The following DENND4A variants were observed in gnomAD, a reference collection of about 807,000 sequenced individuals.
DENND4A encodes C-myc promoter-binding protein.
In DENND4A, 70 loss-of-function variants were observed where a neutral mutation model predicts 199.3. That is an observed-to-expected ratio of 0.35 (90% CI 0.29 to 0.43). DENND4A has a LOEUF of 0.43. Among genes scored for constraint, DENND4A ranks in the 20% least tolerant of loss-of-function variants. The pLI is 1.00. For synonymous variants in DENND4A, 686 were observed against 766.9 expected (o/e 0.89, Z 1.74); for missense variants, 1,723 against 2,255.8 (o/e 0.76, Z 4.78).
chr15:65,682,112 C>T (rs2076598547), intron 23 of DENND4A, among the ~76,000 whole-genome samples: 1 of 152,132 alleles, frequency 6.6e-6, no homozygotes, highest in Non-Finnish European at 1.5e-5. Flanking sequence ...CTTAATTTAA[C>T]ATCACCAGCT....
intron 23 of DENND4A, chr15:65,681,164 C>T (rs966367712): frequency 9.9e-5 from 15 of 152,200 alleles, no homozygotes; most frequent in African/African-American, 3.6e-4. Context: ...GTCACATCCT[C>T]AAGGCTCCAC....
At chr15:65,707,504 G>A (rs1188776208) in intron 14 of DENND4A, among the ~76,000 whole-genome samples, 1 of 151,988 alleles carries the variant, frequency 6.6e-6, no homozygotes, top group Non-Finnish European at 1.5e-5. Context: ...ATAAATTATT[G>A]ATTATAATTT....
chr15:65,702,822 A>G, intron 16 of DENND4A, 51 bp downstream of exon 16: 1 of 1,506,004 alleles, frequency 6.6e-7, no homozygotes, highest in Non-Finnish European at 9.2e-7. Context: ...ATAAATATCC[A>G]ATTTATTTCT....
At chr15:65,683,919 T>C (rs1252271402) in intron 23 of DENND4A, among the ~76,000 whole-genome samples, 1 of 152,234 alleles carries the variant, frequency 6.6e-6, no homozygotes, top group East Asian at 1.9e-4. Context: ...CAACCACTAA[T>C]ATACTGTGTC....
chr15:65,760,294 C>T (rs2076819128), intron 2 of DENND4A, among the ~76,000 whole-genome samples: 1 of 151,896 alleles, frequency 6.6e-6, no homozygotes, highest in Non-Finnish European at 1.5e-5. Flanking sequence ...GTTAGGAGTT[C>T]GAGACCAGGC....
chr15:65,779,122 A>G (rs916007465), intron 1 of DENND4A, among the ~76,000 whole-genome samples: 2 of 151,960 alleles, frequency 1.3e-5, no homozygotes, highest in African/African-American at 2.4e-5. Context: ...AAAAATTAGA[A>G]GGAAAAAAAA....
chr15:65,677,330 C>T (rs2076414589), intron 23 of DENND4A, among the ~76,000 whole-genome samples: 1 of 152,138 alleles, frequency 6.6e-6, no homozygotes, highest in Non-Finnish European at 1.5e-5. Context: ...CTTTCTCAGC[C>T]TCCCGAGTGG....
chr15:65,784,076 G>A lies in DENND4A; in HGVS notation c.-102+7934C>T, dbSNP rs186569476. Among the ~76,000 whole-genome samples, 235 of 152,124 alleles carry A rather than the reference G, an allele frequency of 1.5e-3. 1 individual carries two copies. The highest frequency in any genetic ancestry group is 5.2e-3 in the African/African-American group (217 of 41,486). ...CCCCTTGATATGATGCAATGAGAGC[G>A]GCACTTTATCTCTGTGACTCTCCTC... On this transcript the variant is annotated intron_variant, in intron 1 of 32. Transcript: ENST00000443035.
At position 65,676,539 on chromosome 15, in the gene DENND4A, T is replaced by C. The variant is rs1476929289; in HGVS notation, c.4275A>G (p.Glu1425=). ...TGGTCTCTTGAGAGGAGATAGGTCC[T>C]TCCAACTCATGGCAGACATCTTCAT... is the stretch of plus-strand genomic sequence containing the variant. ...LTDEDVCHEL[E]GPISSQETSA... The change falls in exon 24 of 33, where the codon GAA becomes GAG. Residue 1425 remains glutamate, a synonymous_variant. Coordinates refer to ENST00000443035, the MANE Select transcript of DENND4A (RefSeq NM_001320835.1). The C allele has an allele frequency of 3.7e-6, 6 of 1,613,682 alleles. No homozygotes were observed. In the Admixed American group the frequency reaches 1.0e-4, roughly 27 times the overall value.
At chr15:65,712,608 A>ATT (rs986737809) in intron 14 of DENND4A, among the ~76,000 whole-genome samples, 21 of 152,254 alleles carry the variant, frequency 1.4e-4, no homozygotes, top group Admixed American at 4.6e-4. Context: ...ATCACTTCTC[A>ATT]TTTTTATATG....
intron 4 of DENND4A, among the ~76,000 whole-genome samples, chr15:65,745,576 C>G (rs2076365978): frequency 1.3e-5 from 2 of 151,932 alleles, no homozygotes; most frequent in African/African-American, 4.8e-5. Context: ...TATAGGCAAA[C>G]AAATTTTGGT....
At chr15:65,778,607 T>TTCC (rs2077346775) in intron 1 of DENND4A, among the ~76,000 whole-genome samples, 1 of 151,998 alleles carries the variant, frequency 6.6e-6, no homozygotes, top group Non-Finnish European at 1.5e-5. Context: ...ATATAAAAAG[T>TTCC]TATGTTGCAG....
intron 12 of DENND4A, among the ~76,000 whole-genome samples, chr15:65,721,273 A>G (rs755519604): frequency 6.6e-6 from 1 of 152,018 alleles, no homozygotes; most frequent in Middle Eastern, 3.4e-3. Context: ...GTTTTATGTA[A>G]TTTGTTTAAT....
intron 11 of DENND4A, 124 bp from the exon 12 acceptor site, chr15:65,723,072 T>C: frequency 1.4e-6 from 1 of 736,396 alleles, no homozygotes; most frequent in African/African-American, 1.8e-5. Flanking sequence ...AAAAACAAAA[T>C]ATTTGCATTA....
At chr15:65,750,962 C>T (rs1567075914) in intron 4 of DENND4A, among the ~76,000 whole-genome samples, 1 of 151,948 alleles carries the variant, frequency 6.6e-6, no homozygotes. Context: ...AAAACTATGG[C>T]CTGCATTTGG....
At chr15:65,758,867 T>C (rs1324076268) in intron 2 of DENND4A, among the ~76,000 whole-genome samples, 18 of 152,114 alleles carry the variant, frequency 1.2e-4, no homozygotes, top group Non-Finnish European at 1.5e-5. Context: ...GCCGATAAAC[T>C]TTGCTTAACT....
chr15:65,715,446 A>T, intron 14 of DENND4A, 32 bp downstream of exon 14: 1 of 1,570,450 alleles, frequency 6.4e-7, no homozygotes, highest in Non-Finnish European at 8.6e-7. Context: ...ACACAAAATA[A>T]GTTAGGGCAT....
chr15:65,730,880 A>T (rs1224057687), intron 9 of DENND4A, among the ~76,000 whole-genome samples: 1 of 152,102 alleles, frequency 6.6e-6, no homozygotes, highest in Non-Finnish European at 1.5e-5. Context: ...ATTACATGAT[A>T]TGTGAATTAT....
At chr15:65,745,515 A>T (rs1056823741) in intron 4 of DENND4A, among the ~76,000 whole-genome samples, 19 of 152,162 alleles carry the variant, frequency 1.2e-4, no homozygotes, top group Non-Finnish European at 2.2e-4. Context: ...TCTACTGGAA[A>T]AATATTTTTT....
Sources: gnomAD v4.1 joint callset for allele counts (sites outside exome capture counted in the v4.1 genomes callset) on GRCh38, gnomAD v4.1.1 for gene constraint, MANE v1.5 for transcripts, NCBI Gene and HGNC (gene_info 2026-07-23, HGNC 2026-07-21) for gene names.